FAM117B: variants seen among roughly 807,000 people sequenced by gnomAD.
FAM117B encodes the protein family with sequence similarity 117 member B, also known as protein FAM117B.
FAM117B carries 22 observed loss-of-function variants against 52.8 expected under a neutral mutation model. The observed-to-expected ratio is 0.42, with a 90% CI of 0.30 to 0.59. FAM117B has a LOEUF of 0.59. Ranked by LOEUF, FAM117B falls within the 20% of genes least tolerant of loss-of-function variation. The probability of loss-of-function intolerance (pLI) is 0.22; values close to 1 mark genes in which losing one functional copy is unlikely to be tolerated. For synonymous variants in FAM117B, 309 were observed against 324.1 expected, an observed-to-expected ratio of 0.95 and a Z score of 0.50; for missense variants, 678 against 802.6, an observed-to-expected ratio of 0.84 and a Z score of 1.88.
At chr2:202,757,621 T>C (rs1485637924) in intron 6 of FAM117B, among the ~76,000 whole-genome samples, 183 bp downstream of exon 6, 3 of 152,236 alleles carry the variant, frequency 2.0e-5, no homozygotes, top group Admixed American at 2.0e-4. Flanking sequence ...ATGGTCTAGT[T>C]GGGCAAGTTT....
chr2:202,757,359 G>C lies in FAM117B; in HGVS notation c.1251G>C (p.Ser417=), dbSNP rs368770075. 6.2e-7 allele frequency: 1 copy of C among 1,614,012 alleles called. No individual in the cohort carries two copies. Among genetic ancestry groups the C allele is most frequent in the Non-Finnish European group, 8.5e-7 (1 of 1,180,010 alleles). ...SSRSQSVSPT[S]FLTISNEGSE... is the part of the protein sequence containing the mutation. ...GTTCCCAGTCCGTGTCCCCAACATC[G>C]TTCCTCACCATTTCCAATGAAGGTA... Residue 417 remains serine, a synonymous_variant, in exon 6 of 8, where the codon TCG becomes TCC. Transcript: ENST00000392238.
intron 2 of FAM117B, among the ~76,000 whole-genome samples, chr2:202,711,177 CA>C (rs1306618430): frequency 6.6e-6 from 1 of 152,140 alleles, no homozygotes; most frequent in Non-Finnish European, 1.5e-5. Flanking sequence ...TTCCTGCCAA[CA>C]GTGTATGAGG....
At chr2:202,716,212 TG>T (rs1276347717) in intron 2 of FAM117B, among the ~76,000 whole-genome samples, 5 of 152,244 alleles carry the variant, frequency 3.3e-5, no homozygotes, top group African/African-American at 1.2e-4. Flanking sequence ...TGCTCTTTTT[TG>T]GTTTCCATTT....
rs1034689626 is a variant in FAM117B at position 202,714,533 on chromosome 2, C to CTTT, written c.754-10369_754-10367dup. Among the ~76,000 whole-genome samples, 22 of 117,654 alleles carry CTTT rather than the reference C, an allele frequency of 1.9e-4. 1 individual carries two copies. The highest frequency in any genetic ancestry group is 3.4e-4 in the Non-Finnish European group (20 of 58,378). 77.2% of individuals were successfully genotyped at this position (117,654 alleles called of 152,430 possible). On this transcript the variant is annotated intron_variant, in intron 2 of 7. Coordinates refer to ENST00000392238, the MANE Select transcript of FAM117B (RefSeq NM_173511.4). ...TACAGTTGTTATATCTTTTTTTTTT[C>CTTT]TTTTTTTTTTTTTTTTTATTGATCA...
intron 4 of FAM117B, among the ~76,000 whole-genome samples, chr2:202,737,370 C>T (rs1034298900): frequency 1.3e-5 from 2 of 151,916 alleles, no homozygotes; most frequent in African/African-American, 4.8e-5. Flanking sequence ...GTAGATTATA[C>T]CACCACCACT....
chr2:202,733,051 A>G (rs1377475362), intron 4 of FAM117B, among the ~76,000 whole-genome samples: 2 of 152,096 alleles, frequency 1.3e-5, no homozygotes, highest in Non-Finnish European at 2.9e-5. Context: ...ATAAAGAGAA[A>G]GAGTACAAAG....
intron 1 of FAM117B, among the ~76,000 whole-genome samples, chr2:202,693,750 T>G (rs139981287): frequency 6.6e-6 from 1 of 152,356 alleles, no homozygotes; most frequent in Non-Finnish European, 1.5e-5. Context: ...ATCTATGTGC[T>G]TAATTCTTTG....
intron 2 of FAM117B, among the ~76,000 whole-genome samples, chr2:202,718,566 A>G (rs867985859): frequency 6.6e-6 from 1 of 152,158 alleles, no homozygotes; most frequent in Admixed American, 6.5e-5. Flanking sequence ...TCGTTGTGGT[A>G]TATGATTTTT....
rs1692039862 is a variant in FAM117B at position 202,769,588 on chromosome 2, A to G, written c.*3824A>G. On this transcript the variant is annotated 3_prime_UTR_variant, in exon 8 of 8. Coordinates refer to ENST00000392238, the MANE Select transcript of FAM117B (RefSeq NM_173511.4). Reference sequence around the variant, plus strand: ...GTGGAAGCTGTGTAACTCTTTTTAAAATGCAATTTAAAACATTTTGTTATT... The same window carrying G: ...GTGGAAGCTGTGTAACTCTTTTTAAGATGCAATTTAAAACATTTTGTTATT... 1 of 152,564 alleles carries G rather than the reference A, an allele frequency of 6.6e-6. No homozygotes were observed. Among genetic ancestry groups the G allele is most frequent in the African/African-American group, 2.4e-5 (1 of 41,428 alleles). 9.5% of individuals were successfully genotyped at this position (152,564 alleles called of 1,614,324 possible).
intron 4 of FAM117B, among the ~76,000 whole-genome samples, chr2:202,730,125 T>C (rs1258949386): frequency 6.6e-6 from 1 of 152,186 alleles, no homozygotes; most frequent in African/African-American, 2.4e-5. Context: ...GGTAAGCATT[T>C]GGATACATTA....
At position 202,767,063 on chromosome 2, in the gene FAM117B, T is replaced by C. The variant is rs979650835; in HGVS notation, c.*1299T>C. The C allele has an allele frequency of 2.0e-5, 3 of 152,468 alleles. No homozygotes were observed. Among genetic ancestry groups the C allele is most frequent in the African/African-American group, 7.2e-5 (3 of 41,386 alleles). 9.4% of individuals were successfully genotyped at this position (152,468 alleles called of 1,614,324 possible). On this transcript the variant is annotated 3_prime_UTR_variant, in exon 8 of 8. Coordinates refer to ENST00000392238, the MANE Select transcript of FAM117B (RefSeq NM_173511.4). The stretch of plus-strand genomic sequence containing the variant: ...GCACCTTTGAAAACTCCATACAGTT[T>C]TGGATTAGGGCTCATCCTAATATAA...
intron 1 of FAM117B, among the ~76,000 whole-genome samples, chr2:202,681,010 C>T (rs1559100907): frequency 6.6e-6 from 1 of 152,028 alleles, no homozygotes; most frequent in Non-Finnish European, 1.5e-5. Flanking sequence ...AGACATTATA[C>T]AATGTCTACA....
intron 1 of FAM117B, among the ~76,000 whole-genome samples, chr2:202,667,265 T>G (rs1690220049): frequency 6.6e-6 from 1 of 151,930 alleles, no homozygotes; most frequent in East Asian, 1.9e-4. Context: ...CATACCTGGC[T>G]AATTATCATA....
At chr2:202,741,599 C>T (rs913800233) in intron 4 of FAM117B, among the ~76,000 whole-genome samples, 67 of 150,806 alleles carry the variant, frequency 4.4e-4, no homozygotes, top group African/African-American at 1.6e-3. Context: ...TGCAGTGGCG[C>T]GATCTCGGCT....
chr2:202,747,960 A>G (rs556434964), intron 4 of FAM117B, among the ~76,000 whole-genome samples: 1 of 152,328 alleles, frequency 6.6e-6, no homozygotes, highest in South Asian at 2.1e-4. Context: ...AAATAGAAGA[A>G]ACAATCCTAA....
chr2:202,638,182 T>C (rs780754735), intron 1 of FAM117B, among the ~76,000 whole-genome samples: 2 of 152,184 alleles, frequency 1.3e-5, no homozygotes, highest in Non-Finnish European at 2.9e-5. Flanking sequence ...CAGCCACTAG[T>C]TAAGTAACTC....
At chr2:202,722,007 A>ATTTT (rs57678317) in intron 2 of FAM117B, among the ~76,000 whole-genome samples, 4 of 128,608 alleles carry the variant, frequency 3.1e-5, no homozygotes, top group Admixed American at 8.4e-5. Context: ...TAAAGATACA[A>ATTTT]TTTTTTTTTT....
chr2:202,646,131 A>G (rs531320006), intron 1 of FAM117B, among the ~76,000 whole-genome samples: 6 of 151,712 alleles, frequency 4.0e-5, no homozygotes, highest in African/African-American at 9.7e-5. Context: ...GGTTCAAGCA[A>G]TTCTCCCACC....
rs187951673 is a variant in FAM117B, at chr2:202,642,915, A to C, written c.601+7127A>C. Among the ~76,000 whole-genome samples the C allele has an allele frequency of 3.0e-4, 46 of 152,320 alleles. No homozygotes were observed. In the East Asian group the frequency reaches 8.3e-3, roughly 27 times the overall value. On this transcript the variant is annotated intron_variant, in intron 1 of 7. Transcript: ENST00000392238. ...ACCTGTGAAATGTGGTAGGAGGAGA[A>C]ATGGTAGAATAGTGTTGAGAAAGCC...
Sources: gnomAD v4.1 joint callset for allele counts (sites outside exome capture counted in the v4.1 genomes callset) on GRCh38, gnomAD v4.1.1 for gene constraint, MANE v1.5 for transcripts, NCBI Gene and HGNC (gene_info 2026-07-23, HGNC 2026-07-21) for gene names.